CNTNAP2: variants seen among roughly 807,000 people sequenced by gnomAD.
The protein encoded by CNTNAP2 is contactin-associated protein-like 2.
A neutral mutation model predicts 155.2 loss-of-function variants in CNTNAP2; 98 were observed. The ratio of observed to expected loss-of-function variants is 0.63; its 90% CI spans 0.54 to 0.75. CNTNAP2 has a LOEUF of 0.75. CNTNAP2 is among the 30% of genes least tolerant of loss of function. The probability of loss-of-function intolerance (pLI) is 0.00; values close to 1 mark genes in which losing one functional copy is unlikely to be tolerated. For missense variants in CNTNAP2, 1,727 were observed against 1,688.1 expected, an observed-to-expected ratio of 1.02 and a Z score of -0.40; for synonymous variants, 651 against 631.2, an observed-to-expected ratio of 1.03 and a Z score of -0.47.
At chr7:146,683,109 C>T (rs561963472) in intron 1 of CNTNAP2, among the ~76,000 whole-genome samples, 2 of 152,338 alleles carry the variant, frequency 1.3e-5, no homozygotes, top group African/African-American at 4.8e-5. Context: ...TCTCAGCTCA[C>T]TGCAACCCCC....
chr7:148,157,365 G>A (rs1805418233), intron 17 of CNTNAP2, among the ~76,000 whole-genome samples: 1 of 152,032 alleles, frequency 6.6e-6, no homozygotes, highest in Admixed American at 6.5e-5. Context: ...GCAAACATCT[G>A]GATGAATAAA....
intron 1 of CNTNAP2, among the ~76,000 whole-genome samples, chr7:146,599,743 G>GAGATAGAT (rs60717424): frequency 0.56 from 81,331 of 145,368 alleles, 23,103 homozygotes; most frequent in Middle Eastern, 0.62. Flanking sequence ...ACGACAGACA[G>GAGATAGAT]AGATAGATAG....
chr7:147,731,289 G>T (rs1796734720), intron 13 of CNTNAP2, among the ~76,000 whole-genome samples: 1 of 152,084 alleles, frequency 6.6e-6, no homozygotes, highest in South Asian at 2.1e-4. Context: ...CTGGCTTCAG[G>T]ACTTCAAAGG....
chr7:147,744,243 C>CT (rs1471652362), intron 13 of CNTNAP2, among the ~76,000 whole-genome samples: 2 of 152,066 alleles, frequency 1.3e-5, no homozygotes, highest in African/African-American at 4.8e-5. Context: ...CCATCTGCCC[C>CT]TTTTTACAAG....
At chr7:147,481,757 A>G (rs1798426646) in intron 10 of CNTNAP2, among the ~76,000 whole-genome samples, 1 of 152,108 alleles carries the variant, frequency 6.6e-6, no homozygotes, top group African/African-American at 2.4e-5. Flanking sequence ...ACACCTGCCA[A>G]CTTCTCCCCT....
At position 147,515,321 on chromosome 7, in the gene CNTNAP2, C is replaced by CTTTTTTTTTTT. The variant is rs763147267; in HGVS notation, c.1777+29287_1777+29288insTTTTTTTTTTT. Among the ~76,000 whole-genome samples the CTTTTTTTTTTT allele has an allele frequency of 2.5e-4, 31 of 126,158 alleles. 3 individuals carry two copies. The highest frequency in any genetic ancestry group is 2.8e-4 in the African/African-American group (10 of 35,566). The allele number at this position is 126,158 out of a possible 152,430, so 82.8% of individuals were successfully genotyped here. A position where few individuals can be genotyped will look rare whatever the true frequency, so the allele number is the denominator to read the frequency against. On this transcript the variant is annotated intron_variant, in intron 11 of 23. Transcript: ENST00000361727. ...ATTTTTCTTCATAGTTCATTATATT[C>CTTTTTTTTTTT]TTTTTTTGTTTGTTTGTTTTGAGAC...
At chr7:146,847,015 C>T (rs1055147811) in intron 3 of CNTNAP2, among the ~76,000 whole-genome samples, 11 of 151,806 alleles carry the variant, frequency 7.2e-5, no homozygotes, top group South Asian at 4.1e-4. Context: ...ATTTTTTTTA[C>T]GTTGAACTCA....
At chr7:146,230,315 A>G (rs766056660) in intron 1 of CNTNAP2, among the ~76,000 whole-genome samples, 138 of 152,172 alleles carry the variant, frequency 9.1e-4, no homozygotes, top group Non-Finnish European at 1.7e-3. Context: ...CAGGAACAGG[A>G]AAGCATAAAT....
intron 8 of CNTNAP2, among the ~76,000 whole-genome samples, chr7:147,146,107 G>A (rs1486493980): frequency 6.6e-6 from 1 of 152,110 alleles, no homozygotes; most frequent in Non-Finnish European, 1.5e-5. Flanking sequence ...CCAATATTAG[G>A]TTCAGGTGTT....
intron 1 of CNTNAP2, among the ~76,000 whole-genome samples, chr7:146,757,841 C>A (rs557763238): frequency 6.6e-6 from 1 of 152,038 alleles, no homozygotes; most frequent in African/African-American, 2.4e-5. Context: ...AAAACAGCAA[C>A]TTTTCTCATC....
chr7:146,997,341 G>A (rs1161282137), intron 3 of CNTNAP2, among the ~76,000 whole-genome samples: 2 of 152,096 alleles, frequency 1.3e-5, no homozygotes, highest in Admixed American at 1.3e-4. Context: ...TATTATTTTT[G>A]TTGTCCACTC....
At chr7:146,743,171 T>C (rs1269919608) in intron 1 of CNTNAP2, among the ~76,000 whole-genome samples, 2 of 152,170 alleles carry the variant, frequency 1.3e-5, no homozygotes, top group African/African-American at 4.8e-5. Context: ...TGAAATTGAT[T>C]AGTAAAAAAA....
At chr7:146,509,368 A>G (rs1413753848) in intron 1 of CNTNAP2, among the ~76,000 whole-genome samples, 1 of 152,182 alleles carries the variant, frequency 6.6e-6, no homozygotes, top group East Asian at 1.9e-4. Context: ...TTTCCATCTC[A>G]GAGGAGGAGC....
intron 1 of CNTNAP2, among the ~76,000 whole-genome samples, chr7:146,431,177 A>T (rs1311867649): frequency 6.6e-6 from 1 of 152,014 alleles, no homozygotes; most frequent in African/African-American, 2.4e-5. Flanking sequence ...GGTAATACAT[A>T]TATTCTAGTA....
intron 8 of CNTNAP2, among the ~76,000 whole-genome samples, chr7:147,226,529 A>G (rs1803548029): frequency 7.3e-6 from 1 of 136,402 alleles, no homozygotes; most frequent in Non-Finnish European, 1.5e-5. Context: ...AGCCAAGAAA[A>G]GAAGCCAAAA....
At chr7:146,189,420 A>G (rs540011022) in intron 1 of CNTNAP2, among the ~76,000 whole-genome samples, 6 of 152,322 alleles carry the variant, frequency 3.9e-5, no homozygotes, top group South Asian at 4.1e-4. Flanking sequence ...CAAGGCTTGC[A>G]TGAGGATTCC....
At chr7:148,263,843 T>C (rs1433316529) in intron 20 of CNTNAP2, among the ~76,000 whole-genome samples, 4 of 152,144 alleles carry the variant, frequency 2.6e-5, no homozygotes, top group East Asian at 3.9e-4. Context: ...AATACACTTA[T>C]AGAGATCAAC....
rs546581451 is a variant in CNTNAP2, at chr7:148,130,374, C to A, written c.2554+12086C>A. 3.6e-4 allele frequency among the ~76,000 whole-genome samples: 55 copies of A among 152,252 alleles called. 1 individual carries two copies. The highest frequency in any genetic ancestry group is 2.2e-3 in the Admixed American group (33 of 15,290). ...AGATGTGAACATAATGAAATCATACCAAATGTCTCTACCTCCCAGGATGGC... is the reference window on the plus strand; with the variant it reads ...AGATGTGAACATAATGAAATCATACAAAATGTCTCTACCTCCCAGGATGGC... On this transcript the variant is annotated intron_variant, in intron 16 of 23. Transcript: ENST00000361727.
intron 1 of CNTNAP2, among the ~76,000 whole-genome samples, chr7:146,166,624 AT>A (rs1798316620): frequency 6.6e-6 from 1 of 152,240 alleles, no homozygotes; most frequent in African/African-American, 2.4e-5. Flanking sequence ...ATTAATCACT[AT>A]TCACTAGAAA....
Sources: allele counts gnomAD v4.1 joint callset (sites outside exome capture counted in the v4.1 genomes callset), GRCh38; gene constraint gnomAD v4.1.1; transcripts MANE v1.5; gene names NCBI Gene and HGNC (gene_info 2026-07-23, HGNC 2026-07-21).